The following PPP1R37 variants were observed in gnomAD, a reference collection of about 807,000 sequenced individuals.
PPP1R37 encodes leucine rich repeat containing 68.
In PPP1R37, 21 loss-of-function variants were observed where a neutral mutation model predicts 61.0. The observed-to-expected ratio is 0.34, with a 90% CI of 0.24 to 0.50. The LOEUF (loss-of-function observed/expected upper bound fraction) is 0.50, where lower values mean the gene tolerates loss of function less well. Ranked by LOEUF, PPP1R37 falls within the 20% of genes least tolerant of loss-of-function variation. PPP1R37 has a pLI of 0.98. For synonymous variants in PPP1R37, 443 were observed against 433.5 expected, an observed-to-expected ratio of 1.02 and a Z score of -0.27; for missense variants, 910 against 952.7, an observed-to-expected ratio of 0.96 and a Z score of 0.59.
chr19:45,109,097 C>T (rs1968169019), intron 1 of PPP1R37, among the ~76,000 whole-genome samples: 1 of 152,326 alleles, frequency 6.6e-6, no homozygotes, highest in South Asian at 2.1e-4. Context: ...TAACATGTTA[C>T]ATGGTTCTGG....
At chr19:45,138,172 G>C (rs1968562459) in intron 1 of PPP1R37, among the ~76,000 whole-genome samples, 1 of 152,090 alleles carries the variant, frequency 6.6e-6, no homozygotes, top group Non-Finnish European at 1.5e-5. Flanking sequence ...TGGTGACCAA[G>C]ACAGCCCCAG....
At chr19:45,112,095 A>C (rs371553330) in intron 1 of PPP1R37, among the ~76,000 whole-genome samples, 2 of 151,812 alleles carry the variant, frequency 1.3e-5, no homozygotes, top group East Asian at 3.9e-4. Context: ...CAGCCTCCCA[A>C]ATCCCAGCTG....
chr19:45,140,746 G>C, intron 4 of PPP1R37, 140 bp downstream of exon 4: 1 of 635,994 alleles, frequency 1.6e-6, no homozygotes, highest in Non-Finnish European at 2.8e-6. Flanking sequence ...GCCTCTTGCA[G>C]GGCAAGAGGG....
chr19:45,113,587 T>C (rs545092564), intron 1 of PPP1R37, among the ~76,000 whole-genome samples: 23 of 152,300 alleles, frequency 1.5e-4, no homozygotes, highest in African/African-American at 5.5e-4. Flanking sequence ...GAGCTTTACC[T>C]CCTGTCCTCT....
At chr19:45,136,148 T>C (rs981482591) in intron 1 of PPP1R37, 1 of 152,164 alleles carries the variant, frequency 6.6e-6, no homozygotes, top group Non-Finnish European at 1.5e-5. Context: ...GGAATATCAT[T>C]AGCTAAATGC....
chr19:45,096,329 T>C (rs1290556369), intron 1 of PPP1R37, among the ~76,000 whole-genome samples: 2 of 152,080 alleles, frequency 1.3e-5, no homozygotes, highest in Non-Finnish European at 2.9e-5. Context: ...CTGGCACAGA[T>C]TGGGCTTTGG....
chr19:45,146,282 G>T, intron 11 of PPP1R37, 108 bp from the exon 12 acceptor site: 2 of 1,068,930 alleles, frequency 1.9e-6, no homozygotes, highest in Non-Finnish European at 2.7e-6. Flanking sequence ...CATCTCAGCG[G>T]TCTCTGGGCA....
In PPP1R37 at chr19:45,144,889, C is replaced by T; in HGVS notation, c.1023C>T (p.Gly341=). 1 of 1,535,510 alleles carries T rather than the reference C, an allele frequency of 6.5e-7. No homozygotes were observed. Among genetic ancestry groups the T allele is most frequent in the Non-Finnish European group, 8.7e-7 (1 of 1,146,598 alleles). The change falls in exon 9 of 13, where the codon GGC becomes GGT. Residue 341 remains glycine (G), a synonymous_variant. Coordinates refer to ENST00000221462, the MANE Select transcript of PPP1R37 (RefSeq NM_019121.2). ...AGAGCCTGGAGACGCTGAACCTGGGCCACAACCCCATCGGGAACGAGGGTG... is the reference window on the plus strand; with the variant it reads ...AGAGCCTGGAGACGCTGAACCTGGGTCACAACCCCATCGGGAACGAGGGTG... ...HTQSLETLNL[G]HNPIGNEGVR...
At chr19:45,126,532 G>C (rs540174366) in intron 1 of PPP1R37, among the ~76,000 whole-genome samples, 64 of 152,154 alleles carry the variant, frequency 4.2e-4, no homozygotes, top group African/African-American at 1.5e-3. Flanking sequence ...GTGAACAAGA[G>C]CTCAGGCCTG....
intron 2 of PPP1R37, among the ~76,000 whole-genome samples, chr19:45,139,117 A>G (rs898309912): frequency 3.9e-5 from 6 of 151,934 alleles, no homozygotes; most frequent in Non-Finnish European, 5.9e-5. Flanking sequence ...GGGTTTCGCC[A>G]TGTTGGCCAG....
rs1218514231 is a variant in PPP1R37 at position 45,130,339 on chromosome 19, G to A, written c.203-8175G>A. On this transcript the variant is annotated intron_variant, in intron 1 of 12. Coordinates refer to ENST00000221462, the MANE Select transcript of PPP1R37 (RefSeq NM_019121.2). The surrounding 1 kb of genome is among the most constrained non-coding windows in gnomAD (Gnocchi z 4.4). ...GTTGCTGCTCTGCCCCTCGCCCCCA[G>A]TGGCTCCGGTCTCCTGCAGAATGAG... 1.3e-5 allele frequency among the ~76,000 whole-genome samples: 2 copies of A among 152,168 alleles called. No individual in the cohort carries two copies. The highest frequency in any genetic ancestry group is 2.9e-5 in the Non-Finnish European group (2 of 68,020).
intron 1 of PPP1R37, among the ~76,000 whole-genome samples, chr19:45,103,858 G>A (rs1323605121): frequency 6.6e-6 from 1 of 152,138 alleles, no homozygotes; most frequent in Non-Finnish European, 1.5e-5. Flanking sequence ...GAGGAGCTGA[G>A]TTATAGCCCG....
At chr19:45,104,754 A>G (rs1968108358) in intron 1 of PPP1R37, among the ~76,000 whole-genome samples, 1 of 151,634 alleles carries the variant, frequency 6.6e-6, no homozygotes, top group Non-Finnish European at 1.5e-5. Context: ...GGCTCTTGCC[A>G]CCATCGCCGG....
intron 2 of PPP1R37, 114 bp from the exon 3 acceptor site, chr19:45,140,122 C>T (rs1668858877): frequency 4.4e-6 from 4 of 905,524 alleles, no homozygotes; most frequent in Admixed American, 2.1e-5. Flanking sequence ...TCAGTGCCTT[C>T]GCCCAAACCC....
chr19:45,105,545 G>A (rs1968119207), intron 1 of PPP1R37, among the ~76,000 whole-genome samples: 1 of 152,148 alleles, frequency 6.6e-6, no homozygotes, highest in African/African-American at 2.4e-5. Flanking sequence ...GTACCTTTGT[G>A]GCAGGTGACC....
chr19:45,110,512 C>A (rs910856803), intron 1 of PPP1R37, among the ~76,000 whole-genome samples: 1 of 152,106 alleles, frequency 6.6e-6, no homozygotes, highest in Non-Finnish European at 1.5e-5. Flanking sequence ...GAATTTGTAT[C>A]CCCTGTGTTT....
At chr19:45,099,359 A>G (rs1968033439) in intron 1 of PPP1R37, among the ~76,000 whole-genome samples, 1 of 152,218 alleles carries the variant, frequency 6.6e-6, no homozygotes, top group African/African-American at 2.4e-5. Flanking sequence ...TCAGCCCACT[A>G]GTAGAAGAGG....
chr19:45,140,846 G>C (rs1202694669), intron 4 of PPP1R37, among the ~76,000 whole-genome samples: 1 of 152,156 alleles, frequency 6.6e-6, no homozygotes. Flanking sequence ...TAGGGAGCTG[G>C]GCTGAGGGGC....
rs2122747470 is a variant in PPP1R37, at chr19:45,135,866, T to TCTGC, written c.203-2645_203-2642dup. The stretch of plus-strand genomic sequence containing the variant: ...GGCGCGATTTTGGCTCACTGTAACC[T>TCTGC]CTGCCTCCCAGGTTCAAGTGATTCT... On this transcript the variant is annotated intron_variant, in intron 1 of 12. Transcript: ENST00000221462. 3 of 147,828 alleles carry TCTGC rather than the reference T, an allele frequency of 2.0e-5. No individual in the cohort carries two copies. The South Asian group carries it at 6.6e-4, about 32-fold the overall frequency. The allele number at this position is 147,828 out of a possible 1,614,324, so 9.2% of individuals were successfully genotyped here. A position where few individuals can be genotyped will look rare whatever the true frequency, so the allele number is the denominator to read the frequency against.
Sources: allele counts gnomAD v4.1 joint callset (sites outside exome capture counted in the v4.1 genomes callset), GRCh38; gene constraint gnomAD v4.1.1; non-coding constraint Gnocchi (gnomAD v3.1); transcripts MANE v1.5; gene names NCBI Gene and HGNC (gene_info 2026-07-23, HGNC 2026-07-21).